PTPRD: variants seen among roughly 807,000 people sequenced by gnomAD.
The protein encoded by PTPRD is protein tyrosine phosphatase receptor type D, also known as receptor-type tyrosine-protein phosphatase delta.
In PTPRD, 34 loss-of-function variants were observed where a neutral mutation model predicts 214.5. The ratio of observed to expected loss-of-function variants is 0.16; its 90% confidence interval spans 0.12 to 0.21. The LOEUF is 0.21. Ranked by LOEUF, PTPRD falls within the 10% of genes least tolerant of loss-of-function variation. The pLI is 1.00. For missense variants in PTPRD, 2,545 were observed against 2,398.7 expected (o/e 1.06, Z -1.27); for synonymous variants, 1,128 against 845.7 (o/e 1.33, Z -5.79).
chr9:10,394,964 T>C (rs1440471932), intron 2 of PTPRD, among the ~76,000 whole-genome samples: 2 of 148,832 alleles, frequency 1.3e-5, no homozygotes. Flanking sequence ...TTTCTTTTTT[T>C]TTTTTTTTTT....
intron 30 of PTPRD, among the ~76,000 whole-genome samples, chr9:8,480,687 A>G (rs2135544722): frequency 6.6e-6 from 1 of 152,326 alleles, no homozygotes; most frequent in East Asian, 1.9e-4. Flanking sequence ...ATTTCAATAA[A>G]GTGGTTTTAA....
chr9:9,529,179 G>C (rs188696923), intron 8 of PTPRD, among the ~76,000 whole-genome samples: 13 of 150,968 alleles, frequency 8.6e-5, no homozygotes, highest in Admixed American at 1.3e-4. Flanking sequence ...TGATCCGCCC[G>C]CCTTGGCCTC....
chr9:8,561,094 C>T (rs992922442), intron 14 of PTPRD, among the ~76,000 whole-genome samples: 4 of 152,146 alleles, frequency 2.6e-5, no homozygotes, highest in African/African-American at 9.7e-5. Flanking sequence ...AGACTGAGAA[C>T]CTGTCTTCCC....
chr9:10,007,839 C>A (rs2096519933), intron 4 of PTPRD, among the ~76,000 whole-genome samples: 1 of 151,812 alleles, frequency 6.6e-6, no homozygotes, highest in African/African-American at 2.4e-5. Context: ...GCATAACAAT[C>A]AAATTTTATT....
chr9:8,480,059 T>C (rs145025021), intron 30 of PTPRD, among the ~76,000 whole-genome samples: 2 of 152,334 alleles, frequency 1.3e-5, no homozygotes, highest in East Asian at 3.9e-4. Flanking sequence ...TCTGAATCTA[T>C]TCTCTTACTA....
At chr9:8,385,769 T>A (rs920715359) in intron 37 of PTPRD, among the ~76,000 whole-genome samples, 2 of 152,162 alleles carry the variant, frequency 1.3e-5, no homozygotes, top group Admixed American at 6.6e-5. Context: ...TTTTGGTCTG[T>A]TCCCCGGCTG....
At chr9:10,433,117 G>A (rs985479097) in intron 2 of PTPRD, among the ~76,000 whole-genome samples, 1 of 151,708 alleles carries the variant, frequency 6.6e-6, no homozygotes, top group Admixed American at 6.6e-5. Flanking sequence ...CTTTTCTTTA[G>A]GGAAGATGTT....
At chr9:9,496,547 C>A (rs532970005) in intron 8 of PTPRD, among the ~76,000 whole-genome samples, 1 of 152,010 alleles carries the variant, frequency 6.6e-6, no homozygotes, top group Non-Finnish European at 1.5e-5. Context: ...ATAAGGATGG[C>A]TACTATTTAA....
Position 9,286,659 on chromosome 9 carries a change from C to T in PTPRD, c.-202-103296G>A, listed in dbSNP as rs536219980. On this transcript the variant is annotated intron_variant, in intron 9 of 45. Transcript: ENST00000381196. ...GCCCCCAAACCTAGTTAGTTCTTCC[C>T]TTTTTTGCAATCCATTGGCTCCTTG... is the stretch of plus-strand genomic sequence containing the variant. Among the ~76,000 whole-genome samples the T allele has an allele frequency of 4.0e-5, 6 of 150,976 alleles. No individual in the cohort carries two copies. In the South Asian group the frequency reaches 1.0e-3, roughly 26 times the overall value.
intron 2 of PTPRD, among the ~76,000 whole-genome samples, chr9:10,608,991 A>G (rs1223196663): frequency 1.3e-5 from 2 of 152,160 alleles, no homozygotes; most frequent in African/African-American, 4.8e-5. Context: ...ATAAGTTCAA[A>G]TGGCATTGAA....
intron 5 of PTPRD, among the ~76,000 whole-genome samples, chr9:9,775,258 C>T (rs1314553273): frequency 2.6e-5 from 4 of 152,172 alleles, no homozygotes; most frequent in South Asian, 2.1e-4. Context: ...GTACTGCTAA[C>T]ACAGACATAT....
At chr9:10,356,982 A>G (rs2097291745) in intron 2 of PTPRD, among the ~76,000 whole-genome samples, 2 of 152,208 alleles carry the variant, frequency 1.3e-5, no homozygotes, top group African/African-American at 4.8e-5. Flanking sequence ...CGCCCGGCCC[A>G]TAAGAACAGT....
rs80288004 is a variant in PTPRD, at chr9:8,348,249, A to G, written c.4662-6271T>C. On this transcript the variant is annotated intron_variant, in intron 39 of 45. Transcript: ENST00000381196. ...TTCTGCCTCACATGTTTCACAGTTT[A>G]TCTTTCTGACATGGCTCATCTATTC... 7.8e-4 allele frequency among the ~76,000 whole-genome samples: 119 copies of G among 152,270 alleles called. No individual in the cohort carries two copies. In the East Asian group the frequency reaches 0.022, roughly 28 times the overall value.
intron 9 of PTPRD, among the ~76,000 whole-genome samples, chr9:9,218,799 G>T (rs2099953971): frequency 6.6e-6 from 1 of 152,046 alleles, no homozygotes; most frequent in African/African-American, 2.4e-5. Context: ...TGAATGCCCG[G>T]CCCTCACAGC....
chr9:8,875,510 A>C (rs1287201533), intron 11 of PTPRD, among the ~76,000 whole-genome samples: 1 of 152,174 alleles, frequency 6.6e-6, no homozygotes, highest in Admixed American at 6.6e-5. Flanking sequence ...TTTGTGCTTC[A>C]GTTCATCCGA....
At chr9:9,078,882 A>G (rs1415610669) in intron 10 of PTPRD, among the ~76,000 whole-genome samples, 1 of 152,096 alleles carries the variant, frequency 6.6e-6, no homozygotes, top group Non-Finnish European at 1.5e-5. Flanking sequence ...AATAGTTTCA[A>G]TACTCAATAT....
At chr9:9,332,365 A>G (rs2042645539) in intron 9 of PTPRD, among the ~76,000 whole-genome samples, 1 of 152,030 alleles carries the variant, frequency 6.6e-6, no homozygotes, top group African/African-American at 2.4e-5. Flanking sequence ...TCAGATAACT[A>G]GATGATCTAC....
At chr9:9,822,492 C>A (rs910773900) in intron 5 of PTPRD, among the ~76,000 whole-genome samples, 1 of 147,356 alleles carries the variant, frequency 6.8e-6, no homozygotes, top group African/African-American at 2.5e-5. Context: ...ATATACAGAA[C>A]ATATAATATA....
chr9:10,271,203 A>G (rs1165200259), intron 3 of PTPRD, among the ~76,000 whole-genome samples: 1 of 152,172 alleles, frequency 6.6e-6, no homozygotes, highest in Admixed American at 6.6e-5. Flanking sequence ...CATTTAAAAT[A>G]TTTTAATATT....
Sources: gnomAD v4.1 joint callset for allele counts (sites outside exome capture counted in the v4.1 genomes callset) on GRCh38, gnomAD v4.1.1 for gene constraint, MANE v1.5 for transcripts, NCBI Gene and HGNC (gene_info 2026-07-23, HGNC 2026-07-21) for gene names.